The following OR5K2 variants were observed in gnomAD, a reference collection of about 807,000 sequenced individuals.
The protein encoded by OR5K2 is olfactory receptor family 5 subfamily K member 2.
For synonymous variants in OR5K2, 124 were observed against 133.2 expected, an observed-to-expected ratio of 0.93 and a Z score of 0.48; for missense variants, 402 against 369.8, an observed-to-expected ratio of 1.09 and a Z score of -0.71.
chr3:98,497,898 G>C lies in OR5K2; in HGVS notation c.218G>C (p.Cys73Ser), dbSNP rs142940479. The C allele has an allele frequency of 3.3e-5, 54 of 1,613,980 alleles. No individual in the cohort carries two copies. Among genetic ancestry groups the C allele is most frequent in the Non-Finnish European group, 4.4e-5 (52 of 1,179,996 alleles). ...LGNLALVDSC[C>S]ACAITPKMLE... ...AATCTGGCTCTTGTGGATTCTTGCT[G>C]TGCCTGTGCTATTACCCCCAAAATG... The change falls in exon 1 of 1, where the codon TGT becomes TCT. Residue 73 changes from cysteine to serine, a missense_variant. Coordinates refer to ENST00000427338, the MANE Select transcript of OR5K2 (RefSeq NM_001004737.1).
Position 98,498,190 on chromosome 3 carries a change from A to G in OR5K2, c.510A>G (p.Gly170=). The change falls in exon 1 of 1, where the codon GGA becomes GGG. Residue 170 remains glycine (G), a synonymous_variant. Coordinates refer to ENST00000427338, the MANE Select transcript of OR5K2 (RefSeq NM_001004737.1). ...TTGTATTTAGGTTAGTTTTCTGTGG[A>G]TTGAATCACATCAACCACTTTTACT... ...VGLVFRLVFC[G]LNHINHFYCD... is the part of the protein sequence containing the mutation. 3 of 1,614,060 alleles carry G rather than the reference A, an allele frequency of 1.9e-6. No homozygotes were observed. The highest frequency in any genetic ancestry group is 2.5e-6 in the Non-Finnish European group (3 of 1,179,962).
chr3:98,498,602 A>G lies in OR5K2; in HGVS notation c.922A>G (p.Ile308Val). 6.3e-7 allele frequency: 1 copy of G among 1,584,200 alleles called. No homozygotes were observed. The highest frequency in any genetic ancestry group is 8.6e-7 in the Non-Finnish European group (1 of 1,162,582). ...ISVLRKILLK[I>V]KSQGSVNK ...TGTCTTAAGAAAAATTCTGCTGAAAATAAAATCTCAAGGAAGTGTGAACAA... is the reference window on the plus strand; with the variant it reads ...TGTCTTAAGAAAAATTCTGCTGAAAGTAAAATCTCAAGGAAGTGTGAACAA... Residue 308 changes from isoleucine (I) to valine (V), a missense_variant, in exon 1 of 1, where the codon ATA becomes GTA. Physicochemically the swap from Ile to Val is conservative, Grantham distance 29 (BLOSUM62 3). Transcript: ENST00000427338.
At position 98,498,624 on chromosome 3, in the gene OR5K2, A is replaced by G; in HGVS notation, c.944A>G (p.Asn315Ser). Residue 315 changes from asparagine to serine, a missense_variant, in exon 1 of 1, where the codon AAC becomes AGC. Coordinates refer to ENST00000427338, the MANE Select transcript of OR5K2 (RefSeq NM_001004737.1). ...AAAATAAAATCTCAAGGAAGTGTGA[A>G]CAAATGACATCTATCCTAGCTTAAT... ...LLKIKSQGSV[N>S]K The G allele has an allele frequency of 6.5e-7, 1 of 1,534,478 alleles. No individual in the cohort carries two copies. The highest frequency in any genetic ancestry group is 2.3e-5 in the East Asian group (1 of 44,438).
Position 98,498,426 on chromosome 3 carries a change from C to A in OR5K2, c.746C>A (p.Ser249Ter). 1.2e-6 allele frequency: 2 copies of A among 1,613,590 alleles called. No individual in the cohort carries two copies. Among genetic ancestry groups the A allele is most frequent in the Middle Eastern group, 1.7e-4 (1 of 6,058 alleles). The stretch of plus-strand genomic sequence containing the variant: ...TGTGCATCCCACTTTTCATCAGTTT[C>A]ATTATTCTATGGATCTATTTTTTTC... The part of the protein sequence containing the change: ...STCASHFSSV[S>*]LFYGSIFFLY... The change falls in exon 1 of 1, where the codon TCA becomes TAA. Residue 249 changes from serine to a stop codon, truncating the protein, a stop_gained. Transcript: ENST00000427338. LOFTEE classifies it low-confidence loss of function (END_TRUNC).
chr3:98,498,116 A>T lies in OR5K2; in HGVS notation c.436A>T (p.Thr146Ser), dbSNP rs150442894. ...MSKKLCIQMT[T>S]GAFIAGNLHS... The stretch of plus-strand genomic sequence containing the variant: ...CAAGAAACTCTGCATTCAGATGACC[A>T]CAGGCGCCTTCATAGCTGGAAATCT... Residue 146 changes from threonine (T) to serine (S), a missense_variant, in exon 1 of 1, where the codon ACA becomes TCA. Thr to Ser is a moderately conservative substitution (Grantham distance 58). Transcript: ENST00000427338. 3.7e-6 allele frequency: 6 copies of T among 1,614,056 alleles called. No homozygotes were observed. The East Asian group carries it at 1.3e-4, about 36-fold the overall frequency.
At position 98,497,990 on chromosome 3, in the gene OR5K2, C is replaced by T. The variant is rs2107113155; in HGVS notation, c.310C>T (p.Leu104Phe). 1 of 1,614,028 alleles carries T rather than the reference C, an allele frequency of 6.2e-7. No homozygotes were observed. Among genetic ancestry groups the T allele is most frequent in the East Asian group, 2.2e-5 (1 of 44,870 alleles). Reference sequence around the variant, plus strand: ...TGAATGTGCAGTACAGTTTTATTTTCTTTGCACTGTGGAAACTGCAGACTG... The same window carrying T: ...TGAATGTGCAGTACAGTTTTATTTTTTTTGCACTGTGGAAACTGCAGACTG... ...LYECAVQFYF[L>F]CTVETADCFL... is the part of the protein sequence containing the mutation. Residue 104 changes from leucine (L) to phenylalanine (F), a missense_variant, in exon 1 of 1, where the codon CTT becomes TTT. By Grantham distance (22) the Leu-to-Phe change is conservative. Transcript: ENST00000427338.
At position 98,498,427 on chromosome 3, in the gene OR5K2, A is replaced by ATTAT. The variant is rs1559646971; in HGVS notation, c.749_752dup (p.Tyr252IlefsTer11). 1 of 1,613,630 alleles carries ATTAT rather than the reference A, an allele frequency of 6.2e-7. No individual in the cohort carries two copies. Among genetic ancestry groups the ATTAT allele is most frequent in the Non-Finnish European group, 8.5e-7 (1 of 1,179,738 alleles). ...GTGCATCCCACTTTTCATCAGTTTCATTATTCTATGGATCTATTTTTTTCC... is the reference window on the plus strand; with the variant it reads ...GTGCATCCCACTTTTCATCAGTTTCATTATTTATTCTATGGATCTATTTTTTTCC... On this transcript the variant is annotated frameshift_variant, in exon 1 of 1. Transcript: ENST00000427338. LOFTEE classifies it low-confidence loss of function (END_TRUNC).
At position 98,498,035 on chromosome 3, in the gene OR5K2, G is replaced by A; in HGVS notation, c.355G>A (p.Ala119Thr). 6.2e-7 allele frequency: 1 copy of A among 1,613,996 alleles called. No individual in the cohort carries two copies. The highest frequency in any genetic ancestry group is 8.5e-7 in the Non-Finnish European group (1 of 1,179,986). ...TADCFLLAAV[A>T]YDRYVAICNP... ...AGACTGCTTTCTTCTGGCAGCAGTG[G>A]CCTATGACCGCTATGTGGCCATCTG... The change falls in exon 1 of 1, where the codon GCC (alanine) becomes ACC (threonine). Residue 119 changes from alanine (A) to threonine (T), a missense_variant. Physicochemically the swap from Ala to Thr is moderately conservative, Grantham distance 58 (BLOSUM62 0). Transcript: ENST00000427338.
In OR5K2 at chr3:98,498,028, A is replaced by G. The variant is rs1377766459; in HGVS notation, c.348A>G (p.Ala116=). 1 of 1,614,066 alleles carries G rather than the reference A, an allele frequency of 6.2e-7. No homozygotes were observed. The highest frequency in any genetic ancestry group is 1.3e-5 in the African/African-American group (1 of 75,038). The change falls in exon 1 of 1, where the codon GCA becomes GCG. Residue 116 remains alanine (A), a synonymous_variant. Coordinates refer to ENST00000427338, the MANE Select transcript of OR5K2 (RefSeq NM_001004737.1). ...TVETADCFLL[A]AVAYDRYVAI... Reference sequence around the variant, plus strand: ...AAACTGCAGACTGCTTTCTTCTGGCAGCAGTGGCCTATGACCGCTATGTGG... The same window carrying G: ...AAACTGCAGACTGCTTTCTTCTGGCGGCAGTGGCCTATGACCGCTATGTGG...
rs1368137353 is a variant in OR5K2 at position 98,498,385 on chromosome 3, C to T, written c.705C>T (p.Ala235=). 6.2e-7 allele frequency: 1 copy of T among 1,613,398 alleles called. No individual in the cohort carries two copies. The highest frequency in any genetic ancestry group is 1.7e-5 in the Admixed American group (1 of 59,894). The change falls in exon 1 of 1, where the codon GCC becomes GCT. Residue 235 remains alanine, a synonymous_variant. Transcript: ENST00000427338. ...IFRMKSKEGR[A]KAFSTCASHF... is the part of the protein sequence containing the mutation. ...GAATGAAATCCAAGGAGGGAAGGGC[C>T]AAAGCCTTTTCTACTTGTGCATCCC...
Position 98,498,228 on chromosome 3 carries a change from C to T in OR5K2, c.548C>T (p.Pro183Leu). 1 of 1,614,048 alleles carries T rather than the reference C, an allele frequency of 6.2e-7. No homozygotes were observed. Among genetic ancestry groups the T allele is most frequent in the East Asian group, 2.2e-5 (1 of 44,884 alleles). The stretch of plus-strand genomic sequence containing the variant: ...AACCACTTTTACTGTGATACTCTTC[C>T]CTTGTATAGACTCTCCTGTGTTGAC... ...HINHFYCDTLPLYRLSCVDPF... is the reference protein window; with the variant it reads ...HINHFYCDTLLLYRLSCVDPF... The change falls in exon 1 of 1, where the codon CCC becomes CTC. Residue 183 changes from proline (P) to leucine (L), a missense_variant. Physicochemically the swap from Pro to Leu is moderately conservative, Grantham distance 98. Coordinates refer to ENST00000427338, the MANE Select transcript of OR5K2 (RefSeq NM_001004737.1).
In OR5K2 at chr3:98,498,569, G is replaced by A; in HGVS notation, c.889G>A (p.Val297Ile). 2 of 1,597,378 alleles carry A rather than the reference G, an allele frequency of 1.3e-6. No individual in the cohort carries two copies. The highest frequency in any genetic ancestry group is 1.7e-6 in the Non-Finnish European group (2 of 1,172,006). The change falls in exon 1 of 1, where the codon GTA (valine) becomes ATA (isoleucine). Residue 297 changes from valine (V) to isoleucine (I), a missense_variant. Physicochemically the swap from Val to Ile is conservative, Grantham distance 29 (BLOSUM62 3). Transcript: ENST00000427338. ...PFIYSLRNKE[V>I]ISVLRKILLK... ...CATTTATAGTCTGAGAAACAAGGAA[G>A]TAATAAGTGTCTTAAGAAAAATTCT...
In OR5K2 at chr3:98,498,041, G is replaced by C; in HGVS notation, c.361G>C (p.Asp121His). 1.2e-6 allele frequency: 2 copies of C among 1,614,064 alleles called. No homozygotes were observed. Among genetic ancestry groups the C allele is most frequent in the Non-Finnish European group, 1.7e-6 (2 of 1,179,998 alleles). ...DCFLLAAVAY[D>H]RYVAICNPLQ... ...CTTTCTTCTGGCAGCAGTGGCCTAT[G>C]ACCGCTATGTGGCCATCTGCAACCC... Residue 121 changes from aspartate (D) to histidine (H), a missense_variant, in exon 1 of 1, where the codon GAC (aspartate) becomes CAC (histidine). By Grantham distance (81) the Asp-to-His change is moderately conservative. Transcript: ENST00000427338.
rs546241113 is a variant in OR5K2 at position 98,497,852 on chromosome 3, C to G, written c.172C>G (p.Pro58Ala). 6.2e-7 allele frequency: 1 copy of G among 1,614,116 alleles called. No homozygotes were observed. The highest frequency in any genetic ancestry group is 1.1e-5 in the South Asian group (1 of 91,082). The change falls in exon 1 of 1, where the codon CCA (proline) becomes GCA (alanine). Residue 58 changes from proline to alanine, a missense_variant. Pro to Ala is a conservative substitution (Grantham distance 27, BLOSUM62 -1). Transcript: ENST00000427338. ...ATTTACACACTGTCGGCTTCACACA[C>G]CAATGTACATCTTTCTGGGAAATCT... ...LIFTHCRLHTPMYIFLGNLAL... is the reference protein window; with the variant it reads ...LIFTHCRLHTAMYIFLGNLAL...
chr3:98,498,427 A>G lies in OR5K2; in HGVS notation c.747A>G (p.Ser249=), dbSNP rs912769490. 2.5e-6 allele frequency: 4 copies of G among 1,613,512 alleles called. No individual in the cohort carries two copies. Among genetic ancestry groups the G allele is most frequent in the African/African-American group, 2.7e-5 (2 of 74,912 alleles). ...GTGCATCCCACTTTTCATCAGTTTC[A>G]TTATTCTATGGATCTATTTTTTTCC... ...STCASHFSSV[S]LFYGSIFFLY... is the part of the protein sequence containing the mutation. Residue 249 remains serine, a synonymous_variant, in exon 1 of 1, where the codon TCA becomes TCG. Coordinates refer to ENST00000427338, the MANE Select transcript of OR5K2 (RefSeq NM_001004737.1).
In OR5K2 at chr3:98,498,494, A is replaced by T; in HGVS notation, c.814A>T (p.Ile272Leu). 6.2e-7 allele frequency: 1 copy of T among 1,610,324 alleles called. No individual in the cohort carries two copies. Among genetic ancestry groups the T allele is most frequent in the Non-Finnish European group, 8.5e-7 (1 of 1,176,830 alleles). The change falls in exon 1 of 1, where the codon ATA becomes TTA. Residue 272 changes from isoleucine (I) to leucine (L), a missense_variant. Transcript: ENST00000427338. ...PNLLEEGGND[I>L]PAAILFTIVV... ...TTTGCTTGAAGAAGGAGGTAATGAT[A>T]TACCAGCTGCTATTTTATTTACAAT...
At position 98,498,527 on chromosome 3, in the gene OR5K2, C is replaced by T. The variant is rs1416371137; in HGVS notation, c.847C>T (p.Pro283Ser). The T allele has an allele frequency of 2.5e-6, 4 of 1,607,066 alleles. No homozygotes were observed. The South Asian group carries it at 3.3e-5, about 13-fold the overall frequency. ...TGCTATTTTATTTACAATAGTAGTT[C>T]CCTTACTAAATCCTTTCATTTATAG... Reference protein sequence around the residue: ...PAAILFTIVVPLLNPFIYSLR... With the variant: ...PAAILFTIVVSLLNPFIYSLR... The change falls in exon 1 of 1, where the codon CCC becomes TCC. Residue 283 changes from proline (P) to serine (S), a missense_variant. Transcript: ENST00000427338.
Position 98,498,222 on chromosome 3 carries a change from C to G in OR5K2, c.542C>G (p.Thr181Ser). The change falls in exon 1 of 1, where the codon ACT (threonine) becomes AGT (serine). Residue 181 changes from threonine to serine, a missense_variant. By Grantham distance (58) the Thr-to-Ser change is moderately conservative. Transcript: ENST00000427338. ...CACATCAACCACTTTTACTGTGATA[C>G]TCTTCCCTTGTATAGACTCTCCTGT... ...LNHINHFYCD[T>S]LPLYRLSCVD... is the part of the protein sequence containing the mutation. 6.2e-7 allele frequency: 1 copy of G among 1,614,060 alleles called. No individual in the cohort carries two copies. Among genetic ancestry groups the G allele is most frequent in the Non-Finnish European group, 8.5e-7 (1 of 1,179,960 alleles).
In OR5K2 at chr3:98,498,630, G is replaced by T; in HGVS notation, c.950G>T (p.Ter317LeuextTer?). The T allele has an allele frequency of 6.6e-7, 1 of 1,512,776 alleles. No homozygotes were observed. The highest frequency in any genetic ancestry group is 1.2e-5 in the South Asian group (1 of 82,854). The allele number at this position is 1,512,776 out of a possible 1,614,324, so 93.7% of individuals were successfully genotyped here. Residue 317 changes from the stop codon to leucine, a stop_lost, in exon 1 of 1, where the codon TGA (stop) becomes TTA (leucine). Coordinates refer to ENST00000427338, the MANE Select transcript of OR5K2 (RefSeq NM_001004737.1). ...KIKSQGSVNK[*>L] ...AAATCTCAAGGAAGTGTGAACAAAT[G>T]ACATCTATCCTAGCTTAATGGTTTA...
Sources: gnomAD v4.1 joint callset for allele counts on GRCh38, gnomAD v4.1.1 for gene constraint, MANE v1.5 for transcripts, NCBI Gene and HGNC (gene_info 2026-07-23, HGNC 2026-07-21) for gene names.